Variants in PIK3R3 observed in about 807,000 individuals in gnomAD.
PIK3R3 encodes the protein phosphatidylinositol 3-kinase regulatory subunit gamma.
In PIK3R3, 64 loss-of-function variants were observed where a neutral mutation model predicts 62.9. That is an observed-to-expected ratio of 1.02 (90% CI 0.83 to 1.25). The LOEUF is 1.25. PIK3R3 is among the 50% of genes most tolerant of loss of function. The pLI is 0.00. For synonymous variants in PIK3R3, 165 were observed against 189.0 expected (o/e 0.87, Z 1.04); for missense variants, 614 against 561.6 (o/e 1.09, Z -0.94).
the PIK3R3 span, chr1:46,139,050 A>C: frequency 6.6e-6 from 1 of 152,252 alleles, no homozygotes. Flanking sequence ...TCAAATAAAC[A>C]AAAAATATAA....
At position 46,131,940 on chromosome 1, in the gene PIK3R3, C is replaced by A. The variant is rs377510664; in HGVS notation, c.13G>T (p.Val5Leu). 1 of 1,614,008 alleles carries A rather than the reference C, an allele frequency of 6.2e-7. No individual in the cohort carries two copies. The highest frequency in any genetic ancestry group is 1.3e-5 in the African/African-American group (1 of 75,004). The change falls in exon 1 of 10, where the codon GTG becomes TTG. Residue 5 changes from valine to leucine, a missense_variant. Val to Leu is a conservative substitution (Grantham distance 32). Coordinates refer to ENST00000262741, the MANE Select transcript of PIK3R3 (RefSeq NM_003629.4). ...GCGTCATCGCGGTCCATACTCCACA[C>A]CGTATTGTACATCGCGCTGTCAGGG... is the stretch of plus-strand genomic sequence containing the variant. MYNT[V>L]WSMDRDDADW...
chr1:46,165,841 G>A, the PIK3R3 span, among the ~76,000 whole-genome samples: 3 of 120,430 alleles, frequency 2.5e-5, no homozygotes, highest in African/African-American at 9.7e-5. Context: ...GCGCGATCTC[G>A]GCTCACTGTA....
intron 1 of PIK3R3, among the ~76,000 whole-genome samples, chr1:46,100,985 T>A (rs1361060993): frequency 6.6e-6 from 1 of 150,436 alleles, no homozygotes. Flanking sequence ...ACTAGCCTAG[T>A]CAACATGGCA....
chr1:46,165,751 C>CTTTTTTTTT, the PIK3R3 span, among the ~76,000 whole-genome samples: 98 of 39,554 alleles, frequency 2.5e-3, 44 homozygotes, highest in Middle Eastern at 0.05. Flanking sequence ...CTGCTTTGTC[C>CTTTTTTTTT]TTTTTTTTTT....
At chr1:46,128,453 T>C (rs1655283729) in intron 1 of PIK3R3, among the ~76,000 whole-genome samples, 1 of 150,736 alleles carries the variant, frequency 6.6e-6, no homozygotes, top group Admixed American at 6.6e-5. Context: ...AAAATAAAGA[T>C]GAAAAAACAT....
At chr1:46,163,278 G>C in the PIK3R3 span, among the ~76,000 whole-genome samples, 2 of 152,140 alleles carry the variant, frequency 1.3e-5, no homozygotes, top group East Asian at 1.9e-4. Flanking sequence ...TAAAACTGGA[G>C]AACAGAACAT....
At position 46,080,757 on chromosome 1, in the gene PIK3R3, G is replaced by A. The variant is rs1190677916; in HGVS notation, c.107-7C>T. On this transcript the variant is annotated splice_region_variant and splice_polypyrimidine_tract_variant and intron_variant, in intron 1 of 9. Coordinates refer to ENST00000262741, the MANE Select transcript of PIK3R3 (RefSeq NM_003629.4). ...GGTGGCTTTGGTGGAAGAGCTAGAAGAGAAATGAATATTACTCTGTAGATG... is the reference window on the plus strand; with the variant it reads ...GGTGGCTTTGGTGGAAGAGCTAGAAAAGAAATGAATATTACTCTGTAGATG... 1 of 1,579,572 alleles carries A rather than the reference G, an allele frequency of 6.3e-7. No homozygotes were observed. The highest frequency in any genetic ancestry group is 1.1e-5 in the South Asian group (1 of 90,350).
chr1:46,101,938 A>G (rs577243431), intron 1 of PIK3R3, among the ~76,000 whole-genome samples: 2 of 151,906 alleles, frequency 1.3e-5, no homozygotes, highest in South Asian at 4.1e-4. Flanking sequence ...TTATAACTTT[A>G]AAAAATTAAC....
chr1:46,086,817 CA>C (rs1651100690), intron 1 of PIK3R3, among the ~76,000 whole-genome samples: 4 of 152,162 alleles, frequency 2.6e-5, no homozygotes, highest in Admixed American at 2.6e-4. Flanking sequence ...AGTTGGCTGA[CA>C]ATCTATAGAA....
At chr1:46,080,868 A>G (rs1650518890) in intron 1 of PIK3R3, 118 bp from the exon 2 acceptor site, 1 of 651,286 alleles carries the variant, frequency 1.5e-6, no homozygotes, top group Non-Finnish European at 2.7e-6. Flanking sequence ...AATCAAATTG[A>G]GTATTATTTT....
At chr1:46,141,658 T>G in the PIK3R3 span, among the ~76,000 whole-genome samples, 9 of 152,212 alleles carry the variant, frequency 5.9e-5, no homozygotes, top group East Asian at 1.7e-3. Context: ...GTAAGTCACA[T>G]TAAATATAGT....
chr1:46,133,085 A>C (rs1285141577), upstream of PIK3R3: 2 of 980,032 alleles, frequency 2.0e-6, no homozygotes, highest in Non-Finnish European at 2.4e-6. Context: ...CCTGCGAAGG[A>C]GCGGGAGACG....
At chr1:46,165,715 T>C in the PIK3R3 span, among the ~76,000 whole-genome samples, 1 of 150,524 alleles carries the variant, frequency 6.6e-6, no homozygotes, top group East Asian at 1.9e-4. Context: ...CAGGTCTATT[T>C]ATTTGTTTAT....
At chr1:46,090,045 AGG>A (rs1447658520) in intron 1 of PIK3R3, among the ~76,000 whole-genome samples, 2 of 152,208 alleles carry the variant, frequency 1.3e-5, no homozygotes, top group Non-Finnish European at 2.9e-5. Flanking sequence ...GGCAGAAGAG[AGG>A]GTAGGACAGG....
At chr1:46,144,164 G>A in the PIK3R3 span, among the ~76,000 whole-genome samples, 196 of 152,264 alleles carry the variant, frequency 1.3e-3, 2 homozygotes, top group African/African-American at 4.7e-3. Context: ...CCTATAACAC[G>A]GAATCAATCT....
intron 7 of PIK3R3, among the ~76,000 whole-genome samples, chr1:46,048,870 A>C (rs1399381968): frequency 6.6e-6 from 1 of 152,234 alleles, no homozygotes; most frequent in Non-Finnish European, 1.5e-5. Flanking sequence ...ACCTATTAAC[A>C]ATGCCAGGAG....
At chr1:46,051,026 G>A (rs564379602) in intron 7 of PIK3R3, among the ~76,000 whole-genome samples, 17 of 152,226 alleles carry the variant, frequency 1.1e-4, no homozygotes, top group South Asian at 2.1e-4. Flanking sequence ...GTGGATTAGC[G>A]GTTGTTTAGG....
At chr1:46,173,890 A>T in the PIK3R3 span, among the ~76,000 whole-genome samples, 11 of 152,128 alleles carry the variant, frequency 7.2e-5, no homozygotes, top group Admixed American at 1.3e-4. Flanking sequence ...CTACACACTC[A>T]TATAGGGGAG....
At chr1:46,048,158 T>A (rs1460667002) in intron 7 of PIK3R3, 1 of 152,248 alleles carries the variant, frequency 6.6e-6, no homozygotes, top group Non-Finnish European at 1.5e-5. Flanking sequence ...TCTGTCCTGT[T>A]CATGGCTATG....
Sources: gnomAD v4.1 joint callset for allele counts (sites outside exome capture counted in the v4.1 genomes callset) on GRCh38, gnomAD v4.1.1 for gene constraint, MANE v1.5 for transcripts, NCBI Gene and HGNC (gene_info 2026-07-23, HGNC 2026-07-21) for gene names.